PCDHA7: variants seen among roughly 807,000 people sequenced by gnomAD.
PCDHA7 encodes protocadherin alpha-7.
PCDHA7 carries 37 observed loss-of-function variants against 57.2 expected under a neutral mutation model. The observed-to-expected ratio is 0.65, with a 90% CI of 0.50 to 0.85. The LOEUF (loss-of-function observed/expected upper bound fraction) is 0.85, where lower values mean the gene tolerates loss of function less well. Ranked by LOEUF, PCDHA7 falls within the 40% of genes least tolerant of loss-of-function variation. The probability of loss-of-function intolerance (pLI) is 0.00; values close to 1 mark genes in which losing one functional copy is unlikely to be tolerated. For synonymous variants in PCDHA7, 553 were observed against 558.8 expected (o/e 0.99, Z 0.15); for missense variants, 1,188 against 1,241.8 (o/e 0.96, Z 0.65).
Position 140,834,808 on chromosome 5 carries a change from T to C in PCDHA7, c.425T>C (p.Ile142Thr). 6.2e-7 allele frequency: 1 copy of C among 1,612,578 alleles called. No individual in the cohort carries two copies. Among genetic ancestry groups the C allele is most frequent in the Non-Finnish European group, 8.5e-7 (1 of 1,179,660 alleles). Reference protein sequence around the residue: ...VFPATQRNLFIAESRPLDSRF... With the variant: ...VFPATQRNLFTAESRPLDSRF... The stretch of plus-strand genomic sequence containing the variant: ...CCAGCGACACAAAGGAATCTGTTCA[T>C]CGCGGAATCCAGGCCGCTTGACTCT... The change falls in exon 1 of 4, where the codon ATC becomes ACC. Residue 142 changes from isoleucine (I) to threonine (T), a missense_variant. Coordinates refer to ENST00000525929, the MANE Select transcript of PCDHA7 (RefSeq NM_018910.3).
In PCDHA7 at chr5:140,856,320, G is replaced by T. The variant is rs2043925109; in HGVS notation, c.2355+19582G>T. 1.8e-5 allele frequency: 28 copies of T among 1,598,544 alleles called. 3 individuals carry two copies. Among genetic ancestry groups the T allele is most frequent in the Non-Finnish European group, 2.4e-5 (28 of 1,168,074 alleles). ...TTGTTTGTGAATTCTCGGATTGACC[G>T]CGAGGAGCTGTGCGGGCGGAGCGTG... On this transcript the variant is annotated intron_variant, in intron 1 of 3. Coordinates refer to ENST00000525929, the MANE Select transcript of PCDHA7 (RefSeq NM_018910.3).
At chr5:140,921,165 A>T (rs959305878) in intron 1 of PCDHA7, among the ~76,000 whole-genome samples, 1 of 151,798 alleles carries the variant, frequency 6.6e-6, no homozygotes, top group Non-Finnish European at 1.5e-5. Flanking sequence ...TTTTTTTAAC[A>T]CACATAAAGC....
chr5:140,972,479 C>T (rs782631191), intron 1 of PCDHA7, among the ~76,000 whole-genome samples: 1 of 151,994 alleles, frequency 6.6e-6, no homozygotes, highest in Non-Finnish European at 1.5e-5. Flanking sequence ...CAGCATTTAA[C>T]CCCAGACTCT....
chr5:140,915,626 GTCTCTC>G (rs57920489), intron 1 of PCDHA7, among the ~76,000 whole-genome samples: 2,942 of 146,518 alleles, frequency 0.02, 88 homozygotes, highest in African/African-American at 0.07. Context: ...GTCTCTTTCT[GTCTCTC>G]TCTCTCTCTC....
rs2150240988 is a variant in PCDHA7 at position 140,835,658 on chromosome 5, T to G, written c.1275T>G (p.Val425=). The change falls in exon 1 of 4, where the codon GTT becomes GTG. Residue 425 remains valine (V), a synonymous_variant. Coordinates refer to ENST00000525929, the MANE Select transcript of PCDHA7 (RefSeq NM_018910.3). ...GTGTGTCCGCCTATGAGCTGGTGGT[T>G]ACCGCGCGGGACGGGGGCTCGCCTT... ...RESVSAYELV[V]TARDGGSPSL... is the part of the protein sequence containing the mutation. The G allele has an allele frequency of 2.7e-5, 43 of 1,613,884 alleles. No individual in the cohort carries two copies. The highest frequency in any genetic ancestry group is 2.3e-4 in the African/African-American group (17 of 75,052).
intron 1 of PCDHA7, chr5:140,853,147 G>C (rs1171856097): frequency 1.2e-6 from 1 of 825,412 alleles, no homozygotes; most frequent in Admixed American, 6.4e-5. Context: ...CCAAAATGCT[G>C]GGATTACAGG....
At position 140,845,557 on chromosome 5, in the gene PCDHA7, G is replaced by A. The variant is rs1355762380; in HGVS notation, c.2355+8819G>A. Reference sequence around the variant, plus strand: ...TATTCTAATTATGGTGATGCTTTTAGCTATTAAGAATTTCTGGGATTGAAA... The same window carrying A: ...TATTCTAATTATGGTGATGCTTTTAACTATTAAGAATTTCTGGGATTGAAA... On this transcript the variant is annotated intron_variant, in intron 1 of 3. Transcript: ENST00000525929. Among the ~76,000 whole-genome samples, 5 of 149,294 alleles carry A rather than the reference G, an allele frequency of 3.3e-5. 1 individual carries two copies. The highest frequency in any genetic ancestry group is 1.2e-4 in the African/African-American group (5 of 40,778).
At chr5:140,887,376 G>A (rs1169212781) in intron 1 of PCDHA7, among the ~76,000 whole-genome samples, 1 of 152,158 alleles carries the variant, frequency 6.6e-6, no homozygotes, top group Non-Finnish European at 1.5e-5. Context: ...GATTACAGGT[G>A]TGAGCCACCG....
At chr5:140,958,241 AT>A (rs2095415572) in intron 1 of PCDHA7, among the ~76,000 whole-genome samples, 1 of 152,118 alleles carries the variant, frequency 6.6e-6, no homozygotes, top group Non-Finnish European at 1.5e-5. Flanking sequence ...GTTTTTAACA[AT>A]TCTGAACAAA....
chr5:140,837,381 G>T (rs183895134), intron 1 of PCDHA7, among the ~76,000 whole-genome samples: 1 of 151,662 alleles, frequency 6.6e-6, no homozygotes, highest in Non-Finnish European at 1.5e-5. Flanking sequence ...TTTTTATTTT[G>T]TTCCTTGTTT....
rs184672024 is a variant in PCDHA7, at chr5:140,889,762, T to C, written c.2355+53024T>C. Among the ~76,000 whole-genome samples, 15 of 152,308 alleles carry C rather than the reference T, an allele frequency of 9.8e-5. No homozygotes were observed. The East Asian group carries it at 2.9e-3, about 29-fold the overall frequency. The stretch of plus-strand genomic sequence containing the variant: ...GAGTCTAATTTTTCTTTCCTTGAAC[T>C]TTGACTGGTCTTAATATTGGAAGTA... On this transcript the variant is annotated intron_variant, in intron 1 of 3. Coordinates refer to ENST00000525929, the MANE Select transcript of PCDHA7 (RefSeq NM_018910.3).
chr5:140,834,412 G>C lies in PCDHA7; in HGVS notation c.29G>C (p.Gly10Ala), dbSNP rs2150217251. The part of the protein sequence containing the change: MVCPNGYDP[G>A]GRHLLLFIII... ...GTGTGCCCGAATGGATACGACCCAGGGGGCCGACATCTACTGCTGTTTATT... is the reference window on the plus strand; with the variant it reads ...GTGTGCCCGAATGGATACGACCCAGCGGGCCGACATCTACTGCTGTTTATT... Residue 10 changes from glycine to alanine, a missense_variant, in exon 1 of 4, where the codon GGG becomes GCG. Transcript: ENST00000525929. 6.2e-7 allele frequency: 1 copy of C among 1,611,044 alleles called. No homozygotes were observed. The highest frequency in any genetic ancestry group is 8.5e-7 in the Non-Finnish European group (1 of 1,178,106).
At chr5:140,861,347 G>C (rs2046872625) in intron 1 of PCDHA7, 2 of 297,216 alleles carry the variant, frequency 6.7e-6, no homozygotes, top group Non-Finnish European at 6.8e-6. Context: ...GGCCAAGGAC[G>C]GCACATAGCG....
In PCDHA7 at chr5:141,011,632, C is replaced by T. The variant is rs1333162247; in HGVS notation, c.*1695C>T. Reference sequence around the variant, plus strand: ...TTTATGGTCCAGCCAAGAGCCATCTCGTGCCAAGACTTCTGCTGGCAAGGG... The same window carrying T: ...TTTATGGTCCAGCCAAGAGCCATCTTGTGCCAAGACTTCTGCTGGCAAGGG... On this transcript the variant is annotated 3_prime_UTR_variant, in exon 4 of 4. Transcript: ENST00000525929. The T allele has an allele frequency of 1.3e-5, 2 of 153,656 alleles. No homozygotes were observed. The highest frequency in any genetic ancestry group is 4.8e-5 in the African/African-American group (2 of 41,412). 9.5% of individuals were successfully genotyped at this position (153,656 alleles called of 1,614,324 possible).
intron 1 of PCDHA7, chr5:140,884,458 C>A: frequency 6.2e-7 from 1 of 1,613,736 alleles, no homozygotes; most frequent in Non-Finnish European, 8.5e-7. Flanking sequence ...CCACCGAGGG[C>A]GCGTGCGCGC....
Position 140,922,465 on chromosome 5 carries a change from T to C in PCDHA7, c.2356-56484T>C, listed in dbSNP as rs116670359. ...CATTATCCTATTTGTCAACACAAAA[T>C]AGGAGAGAAGGCAGGACTAAATCTG... On this transcript the variant is annotated intron_variant, in intron 1 of 3. Transcript: ENST00000525929. Among the ~76,000 whole-genome samples the C allele has an allele frequency of 8.9e-3, 1,361 of 152,304 alleles. 16 individuals carry two copies. Among genetic ancestry groups the C allele is most frequent in the African/African-American group, 0.031 (1,303 of 41,562 alleles).
chr5:141,007,498 G>A (rs936217793), intron 3 of PCDHA7, among the ~76,000 whole-genome samples: 1 of 151,942 alleles, frequency 6.6e-6, no homozygotes. Flanking sequence ...GACCTAGGAG[G>A]CAGAGACTGC....
At chr5:140,868,957 A>T (rs2050760003) in intron 1 of PCDHA7, 1 of 1,389,232 alleles carries the variant, frequency 7.2e-7, no homozygotes, top group Non-Finnish European at 9.7e-7. Context: ...AGGCACTCCC[A>T]TACAAAGGAA....
At chr5:140,978,769 T>C in intron 1 of PCDHA7, 180 bp from the exon 2 acceptor site, 1 of 957,338 alleles carries the variant, frequency 1.0e-6, no homozygotes, top group Non-Finnish European at 1.2e-6. Flanking sequence ...CCTGATGAAC[T>C]AATTTTCTTC....
Sources: allele counts gnomAD v4.1 joint callset (sites outside exome capture counted in the v4.1 genomes callset), GRCh38; gene constraint gnomAD v4.1.1; transcripts MANE v1.5; gene names NCBI Gene and HGNC (gene_info 2026-07-23, HGNC 2026-07-21).